CYTH2: variants seen among roughly 807,000 people sequenced by gnomAD.
The protein encoded by CYTH2 is cytohesin-2.
In CYTH2, 24 loss-of-function variants were observed where a neutral mutation model predicts 55.4. The ratio of observed to expected loss-of-function variants is 0.43; its 90% confidence interval spans 0.31 to 0.61. The LOEUF is 0.61. CYTH2 is among the 20% of genes least tolerant of loss of function. CYTH2 has a pLI of 0.08. For missense variants in CYTH2, 378 were observed against 533.5 expected, an observed-to-expected ratio of 0.71 and a Z score of 2.87; for synonymous variants, 221 against 209.6, an observed-to-expected ratio of 1.05 and a Z score of -0.47.
At chr19:48,477,448 C>T (rs1248325328) in intron 8 of CYTH2, 2 of 154,330 alleles carry the variant, frequency 1.3e-5, no homozygotes, top group Non-Finnish European at 2.9e-5. Context: ...AGGCTGCCAC[C>T]CGGGGCTCAT....
chr19:48,478,011 TCCCAGAGG>T lies in CYTH2; in HGVS notation c.809-54_809-47del. 4.2e-6 allele frequency: 6 copies of T among 1,442,352 alleles called. No homozygotes were observed. In the South Asian group the frequency reaches 7.0e-5, roughly 17 times the overall value. The allele number at this position is 1,442,352 out of a possible 1,614,324, so 89.3% of individuals were successfully genotyped here. Reference sequence around the variant, plus strand: ...CTCTGCTTCTCACGCCCCTCCCATCTCCCAGAGGCCCTGTCCCCCTGTTGAGCCCAGGC... The same window carrying T: ...CTCTGCTTCTCACGCCCCTCCCATCTCCCTGTCCCCCTGTTGAGCCCAGGC... On this transcript the variant is annotated intron_variant, in intron 8 of 11. Coordinates refer to ENST00000452733, the MANE Select transcript of CYTH2 (RefSeq NM_004228.7).
In CYTH2 at chr19:48,478,283, G is replaced by A; in HGVS notation, c.894G>A (p.Glu298=). 1 of 1,613,822 alleles carries A rather than the reference G, an allele frequency of 6.2e-7. No homozygotes were observed. The highest frequency in any genetic ancestry group is 8.5e-7 in the Non-Finnish European group (1 of 1,179,952). The part of the protein sequence containing the change: ...LYYFEYTTDK[E]PRGIIPLENL... ...CCACCTTGCTTCTTCAGGACAAGGA[G>A]CCCCGAGGAATCATCCCCCTGGAGA... is the stretch of plus-strand genomic sequence containing the variant. Residue 298 remains glutamate, a synonymous_variant, in exon 10 of 12, where the codon GAG becomes GAA. Coordinates refer to ENST00000452733, the MANE Select transcript of CYTH2 (RefSeq NM_004228.7).
At chr19:48,476,174 A>G (rs1274889250) in intron 8 of CYTH2, 3 of 310,230 alleles carry the variant, frequency 9.7e-6, no homozygotes, top group Non-Finnish European at 2.0e-5. Flanking sequence ...ACAGGGGCCC[A>G]CCCCTGTAAT....
chr19:48,479,213 C>T lies in CYTH2; in HGVS notation c.*3C>T, dbSNP rs1469347337. On this transcript the variant is annotated 3_prime_UTR_variant, in exon 12 of 12. Coordinates refer to ENST00000452733, the MANE Select transcript of CYTH2 (RefSeq NM_004228.7). ...AGAAGAAGCAGGAGCAGCCCTGACC[C>T]CCTGCCCCCAACTCCATTATTTATT... 6.2e-7 allele frequency: 1 copy of T among 1,613,930 alleles called. No individual in the cohort carries two copies. The highest frequency in any genetic ancestry group is 8.5e-7 in the Non-Finnish European group (1 of 1,179,906).
intron 11 of CYTH2, 102 bp from the exon 12 acceptor site, chr19:48,479,021 G>A: frequency 8.2e-7 from 1 of 1,224,716 alleles, no homozygotes; most frequent in Non-Finnish European, 1.2e-6. Flanking sequence ...GGGTCTGAGG[G>A]AGGAGGGGCC....
Position 48,473,410 on chromosome 19 carries a change from G to A in CYTH2, c.434+32G>A, listed in dbSNP as rs184333546. 11 of 1,605,836 alleles carry A rather than the reference G, an allele frequency of 6.9e-6. No homozygotes were observed. The Admixed American group carries it at 1.8e-4, about 27-fold the overall frequency. ...GAGGGGGAGGGGTTTGGAACGCCAG[G>A]AATGTACCTGTCAGGGCCTTCCTAG... On this transcript the variant is annotated intron_variant, in intron 5 of 11. Coordinates refer to ENST00000452733, the MANE Select transcript of CYTH2 (RefSeq NM_004228.7).
intron 8 of CYTH2, 95 bp downstream of exon 8, chr19:48,475,044 C>A: frequency 1.8e-6 from 2 of 1,112,332 alleles, no homozygotes; most frequent in Non-Finnish European, 1.3e-6. Flanking sequence ...GCTGCCTGAA[C>A]TGAGGCAAAT....
chr19:48,476,308 T>C, intron 8 of CYTH2: 1 of 214,288 alleles, frequency 4.7e-6, no homozygotes, highest in South Asian at 5.3e-5. Context: ...GGCATGGTGA[T>C]GTGGGAGGAT....
chr19:48,478,453 T>C lies in CYTH2; in HGVS notation c.973T>C (p.Tyr325His), dbSNP rs1971967259. ...TCGTCCCCAGAACTGCTTTGAACTT[T>C]ACATCCCCAACAACAAGGGGCAGCT... is the stretch of plus-strand genomic sequence containing the variant. ...DPRKPNCFELYIPNNKGQLIK... is the reference protein window; with the variant it reads ...DPRKPNCFELHIPNNKGQLIK... The change falls in exon 11 of 12, where the codon TAC becomes CAC. Residue 325 changes from tyrosine to histidine, a missense_variant. Tyr to His is a moderately conservative substitution (Grantham distance 83). Coordinates refer to ENST00000452733, the MANE Select transcript of CYTH2 (RefSeq NM_004228.7). The C allele has an allele frequency of 1.2e-6, 2 of 1,614,096 alleles. No homozygotes were observed. The highest frequency in any genetic ancestry group is 1.7e-6 in the Non-Finnish European group (2 of 1,179,994).
intron 4 of CYTH2, 44 bp from the exon 5 acceptor site, chr19:48,473,254 C>T (rs1971840635): frequency 1.2e-6 from 2 of 1,606,420 alleles, no homozygotes; most frequent in Admixed American, 1.7e-5. Flanking sequence ...CCATTCCTGC[C>T]CCATCCTTTC....
Position 48,469,374 on chromosome 19 carries a change from T to A in CYTH2, c.-134T>A. On this transcript the variant is annotated 5_prime_UTR_variant, in exon 1 of 12. Coordinates refer to ENST00000452733, the MANE Select transcript of CYTH2 (RefSeq NM_004228.7). ...ACGAAGGGAAGAGTCTTTTCAGCGC[T>A]GAGGACTGGCGCTGAGGAGGCGGCG... 2 of 1,035,982 alleles carry A rather than the reference T, an allele frequency of 1.9e-6. No homozygotes were observed. The highest frequency in any genetic ancestry group is 1.7e-5 in the African/African-American group (1 of 59,100). 64.2% of individuals were successfully genotyped at this position (1,035,982 alleles called of 1,614,324 possible).
At chr19:48,473,229 G>T in intron 4 of CYTH2, 69 bp from the exon 5 acceptor site, 1 of 1,555,750 alleles carries the variant, frequency 6.4e-7, no homozygotes, top group Admixed American at 1.7e-5. Context: ...ACTTCCCCAG[G>T]GCATTGCCCT....
chr19:48,471,774 G>A (rs188876380), intron 3 of CYTH2, among the ~76,000 whole-genome samples: 207 of 152,332 alleles, frequency 1.4e-3, no homozygotes, highest in Admixed American at 2.9e-3. Context: ...GATTGGCTGG[G>A]TTCGGTGGCT....
rs879303945 is a variant in CYTH2 at position 48,481,754 on chromosome 19, C to G, written c.*2544C>G. 2.0e-5 allele frequency: 3 copies of G among 152,800 alleles called. No homozygotes were observed. Among genetic ancestry groups the G allele is most frequent in the Non-Finnish European group, 4.4e-5 (3 of 68,462 alleles). 9.5% of individuals were successfully genotyped at this position (152,800 alleles called of 1,614,324 possible). On this transcript the variant is annotated 3_prime_UTR_variant, in exon 12 of 12. Coordinates refer to ENST00000452733, the MANE Select transcript of CYTH2 (RefSeq NM_004228.7). ...TCTCGAACTCCTGACCTCAGGCGAT[C>G]CATCTGTCTCAGCCTCCCAAAGTGC...
chr19:48,470,101 A>T, intron 1 of CYTH2: 1 of 691,032 alleles, frequency 1.4e-6, no homozygotes, highest in Non-Finnish European at 2.7e-6. Context: ...CTAAGAGCTC[A>T]GGCACCCATT....
At chr19:48,478,821 C>T (rs1224896681) in intron 11 of CYTH2, among the ~76,000 whole-genome samples, 1 of 136,916 alleles carries the variant, frequency 7.3e-6, no homozygotes, top group Non-Finnish European at 1.6e-5. Context: ...GGGGCCTGGA[C>T]CCCTGGGTCT....
chr19:48,470,955 G>A (rs1389260614), intron 3 of CYTH2, among the ~76,000 whole-genome samples: 1 of 152,052 alleles, frequency 6.6e-6, no homozygotes, highest in Non-Finnish European at 1.5e-5. Context: ...AGTCTTGTAG[G>A]GGCTGTGGAC....
intron 4 of CYTH2, chr19:48,472,693 A>G (rs1383521230): frequency 7.4e-6 from 4 of 543,342 alleles, no homozygotes; most frequent in African/African-American, 1.9e-5. Flanking sequence ...GGAAGCATCC[A>G]TTTATGTCTG....
At chr19:48,473,078 C>A in intron 4 of CYTH2, 1 of 559,480 alleles carries the variant, frequency 1.8e-6, no homozygotes. Flanking sequence ...AAGGTCTGGC[C>A]TAAGCAGGGT....
Sources: gnomAD v4.1 joint callset for allele counts (sites outside exome capture counted in the v4.1 genomes callset) on GRCh38, gnomAD v4.1.1 for gene constraint, MANE v1.5 for transcripts, NCBI Gene and HGNC (gene_info 2026-07-23, HGNC 2026-07-21) for gene names.